DLGAP1: variants seen among roughly 807,000 people sequenced by gnomAD.
DLGAP1 encodes the protein disks large-associated protein 1.
DLGAP1 carries 11 observed loss-of-function variants against 90.8 expected under a neutral mutation model. The observed-to-expected ratio is 0.12, with a 90% CI of 0.08 to 0.20. DLGAP1 has a LOEUF of 0.20. Ranked by LOEUF, DLGAP1 falls within the 10% of genes least tolerant of loss-of-function variation. The pLI is 1.00. For synonymous variants in DLGAP1, 558 were observed against 540.7 expected (o/e 1.03, Z -0.44); for missense variants, 1,050 against 1,333.8 (o/e 0.79, Z 3.31).
At chr18:3,679,242 C>T (rs1598322060) in intron 7 of DLGAP1, among the ~76,000 whole-genome samples, 1 of 145,982 alleles carries the variant, frequency 6.9e-6, no homozygotes, top group African/African-American at 2.6e-5. Flanking sequence ...TTCAGAAAAG[C>T]TCTTGTTGAC....
chr18:3,598,015 G>A (rs1175777750), intron 7 of DLGAP1: 1 of 152,232 alleles, frequency 6.6e-6, no homozygotes. Context: ...AAGGATACCA[G>A]CTCCTTACTG....
In DLGAP1 at chr18:4,178,198, AAT is replaced by A. The variant is rs1441160060; in HGVS notation, c.-266-26913_-266-26912del. Among the ~76,000 whole-genome samples, 10 of 126,108 alleles carry A rather than the reference AAT, an allele frequency of 7.9e-5. 1 individual carries two copies. Among genetic ancestry groups the A allele is most frequent in the African/African-American group, 3.3e-4 (10 of 29,904 alleles). The allele number at this position is 126,108 out of a possible 152,430, so 82.7% of individuals were successfully genotyped here. A position where few individuals can be genotyped will look rare whatever the true frequency, so the allele number is the denominator to read the frequency against. On this transcript the variant is annotated intron_variant, in intron 1 of 12. Transcript: ENST00000315677. ...CCTGTAGAAATCCTACGGGTCCTGG[AAT>A]AAACACACACACACACACACACACA...
intron 7 of DLGAP1, among the ~76,000 whole-genome samples, chr18:3,707,679 C>G (rs550517156): frequency 1.3e-5 from 2 of 151,996 alleles, no homozygotes; most frequent in South Asian, 2.1e-4. Context: ...GAATACTACA[C>G]TGTAATCGTG....
intron 7 of DLGAP1, among the ~76,000 whole-genome samples, chr18:3,715,324 G>A (rs2061726899): frequency 6.6e-6 from 1 of 152,238 alleles, no homozygotes; most frequent in African/African-American, 2.4e-5. Context: ...TCAAGGAAGA[G>A]GTTGGAGAAG....
intron 1 of DLGAP1, among the ~76,000 whole-genome samples, chr18:4,295,825 G>A (rs2079967467): frequency 6.6e-6 from 1 of 152,194 alleles, no homozygotes; most frequent in Non-Finnish European, 1.5e-5. Context: ...GTAAGTGTTA[G>A]TTATTATCAT....
Position 3,565,075 on chromosome 18 carries a change from T to G in DLGAP1, c.2057+2415A>C, listed in dbSNP as rs1238055119. On this transcript the variant is annotated intron_variant, in intron 9 of 12. Coordinates refer to ENST00000315677, the MANE Select transcript of DLGAP1 (RefSeq NM_004746.4). The surrounding 1 kb of genome is among the most constrained non-coding windows in gnomAD (Gnocchi z 4.0). Reference sequence around the variant, plus strand: ...CACAGCCAGGATTTGGTGTTCTGGCTCAAGAGTCTGTGCTGTCAACCACTA... The same window carrying G: ...CACAGCCAGGATTTGGTGTTCTGGCGCAAGAGTCTGTGCTGTCAACCACTA... Among the ~76,000 whole-genome samples, 1 of 152,150 alleles carries G rather than the reference T, an allele frequency of 6.6e-6. No individual in the cohort carries two copies. Among genetic ancestry groups the G allele is most frequent in the Non-Finnish European group, 1.5e-5 (1 of 68,030 alleles).
chr18:3,895,583 G>A (rs189227217), intron 3 of DLGAP1, among the ~76,000 whole-genome samples: 68 of 152,338 alleles, frequency 4.5e-4, no homozygotes, highest in African/African-American at 1.6e-3. Context: ...GAATTTTCCT[G>A]CTCGGTAAAC....
intron 1 of DLGAP1, among the ~76,000 whole-genome samples, chr18:4,357,456 A>T (rs1357644819): frequency 6.6e-6 from 1 of 152,164 alleles, no homozygotes; most frequent in Non-Finnish European, 1.5e-5. Context: ...ACACAAATGT[A>T]AACTTCAAAG....
intron 9 of DLGAP1, among the ~76,000 whole-genome samples, chr18:3,557,363 A>T (rs2053817836): frequency 6.6e-6 from 1 of 151,954 alleles, no homozygotes; most frequent in Non-Finnish European, 1.5e-5. Context: ...CTACTAAAAA[A>T]ATATAAAAAT....
At position 3,854,904 on chromosome 18, in the gene DLGAP1, C is replaced by T. The variant is rs374772602; in HGVS notation, c.957+24208G>A. Among the ~76,000 whole-genome samples, 36 of 152,244 alleles carry T rather than the reference C, an allele frequency of 2.4e-4. No individual in the cohort carries two copies. In the East Asian group the frequency reaches 2.5e-3, roughly 11 times the overall value. ...GACCCAAATGAAATAATAATATTCA[C>T]GCTATGACACCATAAGCTAAGAGGG... On this transcript the variant is annotated intron_variant, in intron 4 of 12. Coordinates refer to ENST00000315677, the MANE Select transcript of DLGAP1 (RefSeq NM_004746.4).
At chr18:3,741,393 C>T (rs542559537) in intron 6 of DLGAP1, among the ~76,000 whole-genome samples, 122 of 150,200 alleles carry the variant, frequency 8.1e-4, no homozygotes, top group Non-Finnish European at 1.6e-3. Flanking sequence ...TCATCACAAT[C>T]ACCACTGCCA....
At chr18:3,596,935 C>A (rs1439047904) in intron 7 of DLGAP1, 1 of 520,124 alleles carries the variant, frequency 1.9e-6, no homozygotes, top group Admixed American at 1.9e-5. Flanking sequence ...TTCTCTGACA[C>A]CAGCTGGTCC....
chr18:4,380,255 T>C (rs567675148), intron 1 of DLGAP1, among the ~76,000 whole-genome samples: 1 of 152,284 alleles, frequency 6.6e-6, no homozygotes, highest in African/African-American at 2.4e-5. Flanking sequence ...TCATTACATT[T>C]TGAAAATTAT....
At chr18:3,773,774 C>T (rs549543041) in intron 5 of DLGAP1, among the ~76,000 whole-genome samples, 4 of 152,186 alleles carry the variant, frequency 2.6e-5, no homozygotes, top group Non-Finnish European at 4.4e-5. Flanking sequence ...TCTGGGAGCA[C>T]GAAAGACTGG....
chr18:3,771,036 A>G (rs1470908836), intron 5 of DLGAP1: 1 of 152,208 alleles, frequency 6.6e-6, no homozygotes, highest in Non-Finnish European at 1.5e-5. Flanking sequence ...GCACCGAACA[A>G]TCACTACCAC....
At chr18:4,111,003 T>C (rs2075962061) in intron 2 of DLGAP1, among the ~76,000 whole-genome samples, 1 of 152,094 alleles carries the variant, frequency 6.6e-6, no homozygotes, top group African/African-American at 2.4e-5. Context: ...GCTCTCTTCA[T>C]TTCATGAAGC....
At chr18:3,649,606 G>T (rs968854662) in intron 7 of DLGAP1, among the ~76,000 whole-genome samples, 3 of 152,144 alleles carry the variant, frequency 2.0e-5, no homozygotes, top group South Asian at 2.1e-4. Flanking sequence ...TGCCCCAAGA[G>T]AAGTCTTTAT....
At chr18:3,707,072 T>A (rs1326938299) in intron 7 of DLGAP1, among the ~76,000 whole-genome samples, 6 of 152,176 alleles carry the variant, frequency 3.9e-5, no homozygotes, top group African/African-American at 1.4e-4. Context: ...AATGGGTTGT[T>A]AAGGGACTGA....
At chr18:4,017,976 C>T (rs760019258) in intron 2 of DLGAP1, among the ~76,000 whole-genome samples, 3 of 152,114 alleles carry the variant, frequency 2.0e-5, no homozygotes, top group Non-Finnish European at 2.9e-5. Context: ...TTAATCTTAT[C>T]ACTCTCTTTA....
Sources: gnomAD v4.1 joint callset for allele counts (sites outside exome capture counted in the v4.1 genomes callset) on GRCh38, gnomAD v4.1.1 for gene constraint, Gnocchi (gnomAD v3.1) non-coding constraint, MANE v1.5 for transcripts, NCBI Gene and HGNC (gene_info 2026-07-23, HGNC 2026-07-21) for gene names.